Variants in PPP3CC observed in about 807,000 individuals in gnomAD.
PPP3CC encodes serine/threonine-protein phosphatase 2B catalytic subunit gamma isoform.
PPP3CC carries 35 observed loss-of-function variants against 60.3 expected under a neutral mutation model. The ratio of observed to expected loss-of-function variants is 0.58; its 90% CI spans 0.44 to 0.77. The LOEUF (loss-of-function observed/expected upper bound fraction) is 0.77, where lower values mean the gene tolerates loss of function less well. Ranked by LOEUF, PPP3CC falls within the 30% of genes least tolerant of loss-of-function variation. The probability of loss-of-function intolerance (pLI) is 0.00; values close to 1 mark genes in which losing one functional copy is unlikely to be tolerated. For synonymous variants in PPP3CC, 206 were observed against 224.3 expected (o/e 0.92, Z 0.73); for missense variants, 570 against 628.9 (o/e 0.91, Z 1.00).
chr8:22,520,072 AG>A (rs1219977047), intron 6 of PPP3CC, among the ~76,000 whole-genome samples: 1 of 151,264 alleles, frequency 6.6e-6, no homozygotes, highest in African/African-American at 2.4e-5. Context: ...TCATTCTTAA[AG>A]GGCAATTTTG....
At chr8:22,516,017 C>T (rs1035104392) in intron 6 of PPP3CC, among the ~76,000 whole-genome samples, 1 of 152,106 alleles carries the variant, frequency 6.6e-6, no homozygotes, top group African/African-American at 2.4e-5. Context: ...CAGCTCACTA[C>T]AGCCTCAACC....
intron 1 of PPP3CC, among the ~76,000 whole-genome samples, chr8:22,452,756 G>C (rs1837072466): frequency 6.6e-6 from 1 of 152,106 alleles, no homozygotes; most frequent in African/African-American, 2.4e-5. Context: ...AACTTGCAGT[G>C]GCAAGCACAT....
Position 22,482,613 on chromosome 8 carries a change from C to A in PPP3CC, c.372+6989C>A, listed in dbSNP as rs147890387. 4.4e-3 allele frequency among the ~76,000 whole-genome samples: 675 copies of A among 152,256 alleles called. 6 individuals are homozygous for A. Among genetic ancestry groups the A allele is most frequent in the African/African-American group, 0.016 (653 of 41,542 alleles). On this transcript the variant is annotated intron_variant, in intron 3 of 13. Transcript: ENST00000240139. ...TTTAGTCTTGAAGTCTTTGCCCATG[C>A]CTATGTCCTGAATGAAGCATATAAA...
At chr8:22,445,127 T>A (rs183260190) in intron 1 of PPP3CC, among the ~76,000 whole-genome samples, 7 of 152,352 alleles carry the variant, frequency 4.6e-5, no homozygotes, top group African/African-American at 1.7e-4. Flanking sequence ...TATTGTGTAT[T>A]CACAGAGTAC....
chr8:22,455,519 G>T (rs1451932178), intron 1 of PPP3CC, among the ~76,000 whole-genome samples: 1 of 152,200 alleles, frequency 6.6e-6, no homozygotes, highest in Non-Finnish European at 1.5e-5. Context: ...CTTTGTGGAA[G>T]TTTAAAATAG....
intron 1 of PPP3CC, among the ~76,000 whole-genome samples, chr8:22,450,817 T>C (rs1836994837): frequency 2.1e-5 from 3 of 145,936 alleles, no homozygotes; most frequent in African/African-American, 5.0e-5. Flanking sequence ...ATTTATTTAT[T>C]TATTTATTTA....
intron 1 of PPP3CC, among the ~76,000 whole-genome samples, chr8:22,464,086 G>C (rs1487247890): frequency 6.6e-6 from 1 of 152,058 alleles, no homozygotes; most frequent in Non-Finnish European, 1.5e-5. Flanking sequence ...AAATGTTGAA[G>C]TATATTTATT....
In PPP3CC at chr8:22,490,507, G is replaced by A. The variant is rs376715883; in HGVS notation, c.373-7494G>A. 7.4e-4 allele frequency among the ~76,000 whole-genome samples: 112 copies of A among 152,144 alleles called. No individual in the cohort carries two copies. The East Asian group carries it at 0.021, about 29-fold the overall frequency. On this transcript the variant is annotated intron_variant, in intron 3 of 13. Transcript: ENST00000240139. The stretch of plus-strand genomic sequence containing the variant: ...TAGTGTACATGTGCACAACGTGCAG[G>A]TTTGTTACATATGTATACATGTGCC...
At chr8:22,491,440 A>T (rs1838402548) in intron 3 of PPP3CC, among the ~76,000 whole-genome samples, 1 of 152,220 alleles carries the variant, frequency 6.6e-6, no homozygotes, top group African/African-American at 2.4e-5. Flanking sequence ...GATGAAATTA[A>T]GCATCTCATA....
intron 12 of PPP3CC, among the ~76,000 whole-genome samples, chr8:22,537,629 A>T (rs766223116): frequency 1.3e-5 from 2 of 152,238 alleles, no homozygotes; most frequent in Non-Finnish European, 1.5e-5. Flanking sequence ...ATGGCATTCA[A>T]CATAATAGCC....
chr8:22,441,724 C>G (rs1225002518), intron 1 of PPP3CC, among the ~76,000 whole-genome samples: 5 of 152,058 alleles, frequency 3.3e-5, no homozygotes, highest in Non-Finnish European at 5.9e-5. Flanking sequence ...CCCACCGCCC[C>G]GAAGGGCCCG....
intron 8 of PPP3CC, among the ~76,000 whole-genome samples, chr8:22,525,495 T>TTTCTTTCTTTC (rs1839522091): frequency 6.7e-4 from 51 of 76,328 alleles, no homozygotes; most frequent in African/African-American, 2.4e-3. Flanking sequence ...CCTTTTCTTC[T>TTTCTTTCTTTC]TTCTTTCTTT....
intron 1 of PPP3CC, among the ~76,000 whole-genome samples, chr8:22,456,741 A>G (rs967520323): frequency 6.6e-6 from 1 of 152,218 alleles, no homozygotes; most frequent in Non-Finnish European, 1.5e-5. Context: ...TCCCCTGTAT[A>G]GCTACACCAG....
chr8:22,469,510 A>G lies in PPP3CC; in HGVS notation c.50-5444A>G, dbSNP rs1586805028. On this transcript the variant is annotated intron_variant, in intron 1 of 13. Coordinates refer to ENST00000240139, the MANE Select transcript of PPP3CC (RefSeq NM_005605.5). ...ACCCTGGCTTAATACTATGCATAAT[A>G]TACATGTAACATAATTCCTCATGTA... Among the ~76,000 whole-genome samples, 4 of 152,240 alleles carry G rather than the reference A, an allele frequency of 2.6e-5. No homozygotes were observed. The East Asian group carries it at 7.7e-4, about 29-fold the overall frequency.
chr8:22,487,621 T>C (rs1362175013), intron 3 of PPP3CC, among the ~76,000 whole-genome samples: 1 of 151,254 alleles, frequency 6.6e-6, no homozygotes, highest in East Asian at 1.9e-4. Context: ...TGAGACTCTG[T>C]CTAAAGAGAA....
At chr8:22,464,424 G>A (rs1837454857) in intron 1 of PPP3CC, among the ~76,000 whole-genome samples, 1 of 152,118 alleles carries the variant, frequency 6.6e-6, no homozygotes, top group South Asian at 2.1e-4. Flanking sequence ...CAGCTGTCTA[G>A]GCTGGAGTGC....
intron 1 of PPP3CC, among the ~76,000 whole-genome samples, chr8:22,470,595 A>T (rs1837692638): frequency 6.6e-6 from 1 of 152,222 alleles, no homozygotes; most frequent in Non-Finnish European, 1.5e-5. Context: ...TTTTAAATGG[A>T]CAAAAGAATT....
chr8:22,499,071 A>T (rs1219545248), intron 4 of PPP3CC, among the ~76,000 whole-genome samples: 1 of 150,138 alleles, frequency 6.7e-6, no homozygotes, highest in Non-Finnish European at 1.5e-5. Context: ...TTGTGGTGAG[A>T]TCCTGCCACT....
chr8:22,502,218 A>G (rs1283925368), intron 4 of PPP3CC, among the ~76,000 whole-genome samples: 1 of 152,214 alleles, frequency 6.6e-6, no homozygotes, highest in African/African-American at 2.4e-5. Context: ...GAATTCGTCT[A>G]CCACACAGAT....
Sources: gnomAD v4.1 joint callset for allele counts (sites outside exome capture counted in the v4.1 genomes callset) on GRCh38, gnomAD v4.1.1 for gene constraint, MANE v1.5 for transcripts, NCBI Gene and HGNC (gene_info 2026-07-23, HGNC 2026-07-21) for gene names.